RBMS2: variants seen among roughly 807,000 people sequenced by gnomAD.
RBMS2 encodes RNA-binding motif, single-stranded-interacting protein 2.
A neutral mutation model predicts 58.4 loss-of-function variants in RBMS2; 38 were observed. The observed-to-expected ratio is 0.65, with a 90% CI of 0.50 to 0.85. The LOEUF (loss-of-function observed/expected upper bound fraction) is 0.85. RBMS2 is among the 40% of genes least tolerant of loss of function. The probability of loss-of-function intolerance (pLI) is 0.00; values close to 1 mark genes in which losing one functional copy is unlikely to be tolerated. For synonymous variants in RBMS2, 151 were observed against 180.7 expected (o/e 0.84, Z 1.32); for missense variants, 367 against 503.7 (o/e 0.73, Z 2.60).
chr12:56,566,664 C>T (rs1025966512), intron 2 of RBMS2, among the ~76,000 whole-genome samples: 1 of 151,952 alleles, frequency 6.6e-6, no homozygotes, highest in Non-Finnish European at 1.5e-5. Context: ...CTAAAAAATA[C>T]CAAATTAGCT....
rs989690024 is a variant in RBMS2, at chr12:56,594,186, T to A, written c.*5053T>A. ...CCGTGGGCTGTTACTTTGCGTCATA[T>A]GATGCTGTGAGAGGCCTTGCTGGAA... On this transcript the variant is annotated 3_prime_UTR_variant, in exon 14 of 14. Coordinates refer to ENST00000262031, the MANE Select transcript of RBMS2 (RefSeq NM_002898.4). 1.3e-5 allele frequency: 2 copies of A among 152,256 alleles called. No individual in the cohort carries two copies. Among genetic ancestry groups the A allele is most frequent in the Non-Finnish European group, 2.9e-5 (2 of 68,054 alleles). 9.4% of individuals were successfully genotyped at this position (152,256 alleles called of 1,614,324 possible). A position where few individuals can be genotyped will look rare whatever the true frequency, so the allele number is the denominator to read the frequency against.
intron 4 of RBMS2, among the ~76,000 whole-genome samples, chr12:56,571,041 TA>T (rs920472973): frequency 1.3e-5 from 2 of 152,200 alleles, no homozygotes; most frequent in Non-Finnish European, 2.9e-5. Context: ...AGTGACTGCT[TA>T]AATTCTTAAA....
At chr12:56,584,847 G>A (rs975289878) in intron 9 of RBMS2, among the ~76,000 whole-genome samples, 8 of 134,336 alleles carry the variant, frequency 6.0e-5, no homozygotes, top group African/African-American at 2.0e-4. Context: ...TTTTGTGACC[G>A]AGTTTCGCTC....
At chr12:56,561,871 G>A (rs1253861596) in intron 1 of RBMS2, among the ~76,000 whole-genome samples, 1 of 151,236 alleles carries the variant, frequency 6.6e-6, no homozygotes, top group Non-Finnish European at 1.5e-5. Flanking sequence ...GCAGTGGCGC[G>A]ATCTCAGCTC....
At chr12:56,532,478 G>A (rs1873931891) in intron 1 of RBMS2, among the ~76,000 whole-genome samples, 1 of 151,502 alleles carries the variant, frequency 6.6e-6, no homozygotes, top group Admixed American at 6.6e-5. Context: ...GGAGATGGAG[G>A]TTGCAGTGAG....
At chr12:56,550,580 G>A (rs1878068677) in intron 1 of RBMS2, among the ~76,000 whole-genome samples, 1 of 151,514 alleles carries the variant, frequency 6.6e-6, no homozygotes, top group African/African-American at 2.4e-5. Context: ...GTGGCTTTAC[G>A]CCTGTAATTC....
intron 5 of RBMS2, among the ~76,000 whole-genome samples, chr12:56,580,787 AAAT>A (rs1213899581): frequency 6.6e-6 from 1 of 152,238 alleles, no homozygotes; most frequent in Non-Finnish European, 1.5e-5. Context: ...AAGGAGCAAA[AAAT>A]AAATATTGGC....
At chr12:56,558,615 A>T in intron 1 of RBMS2, among the ~76,000 whole-genome samples, 5 of 98,244 alleles carry the variant, frequency 5.1e-5, no homozygotes, top group Non-Finnish European at 8.2e-5. Flanking sequence ...TTGAGACAGA[A>T]TCTTACTTTG....
chr12:56,530,451 C>G (rs1257071522), intron 1 of RBMS2, among the ~76,000 whole-genome samples: 1 of 148,982 alleles, frequency 6.7e-6, no homozygotes, highest in East Asian at 2.0e-4. Context: ...GCCTCAACCT[C>G]CTGGGCTCAA....
At chr12:56,541,451 C>T (rs1394590812) in intron 1 of RBMS2, among the ~76,000 whole-genome samples, 1 of 151,954 alleles carries the variant, frequency 6.6e-6, no homozygotes, top group Non-Finnish European at 1.5e-5. Context: ...ATTTCAATTA[C>T]CAAAAATAAT....
chr12:56,555,867 G>C (rs973381012), intron 1 of RBMS2, among the ~76,000 whole-genome samples: 1 of 151,928 alleles, frequency 6.6e-6, no homozygotes, highest in Non-Finnish European at 1.5e-5. Flanking sequence ...TGGGATTACA[G>C]GCATAAGCCA....
chr12:56,549,494 A>T (rs894737800), intron 1 of RBMS2, among the ~76,000 whole-genome samples: 9 of 152,156 alleles, frequency 5.9e-5, no homozygotes, highest in African/African-American at 2.2e-4. Context: ...TCCTAGTTTC[A>T]TGCGACTCAG....
intron 5 of RBMS2, chr12:56,580,230 CTT>C (rs544289831): frequency 0.06 from 18,020 of 301,222 alleles, no homozygotes; most frequent in Middle Eastern, 0.077. Context: ...TGAGCCTGGC[CTT>C]TTTTTTTTTT....
intron 1 of RBMS2, among the ~76,000 whole-genome samples, chr12:56,546,170 T>C (rs1877143078): frequency 6.6e-6 from 1 of 150,696 alleles, no homozygotes; most frequent in South Asian, 2.1e-4. Context: ...CAGGCTGGAG[T>C]GCAGTGGTGC....
intron 5 of RBMS2, chr12:56,580,458 C>G: frequency 3.9e-6 from 1 of 256,738 alleles, no homozygotes; most frequent in South Asian, 3.3e-5. Context: ...GCCTCAAACT[C>G]CTGACCTCAA....
At chr12:56,566,764 G>A (rs1053314784) in intron 2 of RBMS2, among the ~76,000 whole-genome samples, 2 of 152,138 alleles carry the variant, frequency 1.3e-5, no homozygotes, top group East Asian at 3.9e-4. Context: ...GTTGCAGCGA[G>A]CCGAGATCAC....
intron 1 of RBMS2, among the ~76,000 whole-genome samples, chr12:56,554,174 A>G (rs1341518816): frequency 6.6e-6 from 1 of 152,120 alleles, no homozygotes; most frequent in African/African-American, 2.4e-5. Context: ...TCCTTTGCAG[A>G]TATAGATAAT....
intron 1 of RBMS2, among the ~76,000 whole-genome samples, chr12:56,550,014 G>A (rs553997052): frequency 1.6e-4 from 24 of 151,888 alleles, no homozygotes; most frequent in Middle Eastern, 3.4e-3. Context: ...CAACAAGAGC[G>A]AAACTCCGTC....
At chr12:56,532,743 A>G (rs1874003111) in intron 1 of RBMS2, among the ~76,000 whole-genome samples, 1 of 152,004 alleles carries the variant, frequency 6.6e-6, no homozygotes, top group South Asian at 2.1e-4. Context: ...AGATAATACA[A>G]AAGTTTACAT....
Sources: gnomAD v4.1 joint callset for allele counts (sites outside exome capture counted in the v4.1 genomes callset) on GRCh38, gnomAD v4.1.1 for gene constraint, MANE v1.5 for transcripts, NCBI Gene and HGNC (gene_info 2026-07-23, HGNC 2026-07-21) for gene names.